PKHD1: variants seen among roughly 807,000 people sequenced by gnomAD.
The protein encoded by PKHD1 is PKHD1 ciliary IPT domain containing fibrocystin/polyductin.
Under a neutral mutation model 412.0 loss-of-function variants are expected in PKHD1, and 291 were observed. The observed-to-expected ratio is 0.71, with a 90% CI of 0.64 to 0.78. The LOEUF (loss-of-function observed/expected upper bound fraction) is 0.78. Ranked by LOEUF, PKHD1 falls within the 30% of genes least tolerant of loss-of-function variation. PKHD1 has a pLI of 0.00. For synonymous variants in PKHD1, 1,777 were observed against 1,821.5 expected, an observed-to-expected ratio of 0.98 and a Z score of 0.62; for missense variants, 4,825 against 4,950.7, an observed-to-expected ratio of 0.97 and a Z score of 0.76.
intron 16 of PKHD1, among the ~76,000 whole-genome samples, chr6:52,057,502 C>T (rs148977924): frequency 5.3e-5 from 8 of 152,270 alleles, no homozygotes; most frequent in Non-Finnish European, 8.8e-5. Context: ...CTGCAACCTC[C>T]GACTCCCTGG....
intron 36 of PKHD1, among the ~76,000 whole-genome samples, chr6:51,943,591 TC>T (rs1176172059): frequency 6.6e-6 from 1 of 151,574 alleles, no homozygotes; most frequent in Non-Finnish European, 1.5e-5. Flanking sequence ...AAATAAATAA[TC>T]TTTGCTGGCA....
At chr6:51,942,191 G>T (rs1788701431) in intron 36 of PKHD1, among the ~76,000 whole-genome samples, 2 of 151,388 alleles carry the variant, frequency 1.3e-5, no homozygotes, top group African/African-American at 4.8e-5. Context: ...TTTAGAGACT[G>T]CCCCAACCTT....
intron 60 of PKHD1, among the ~76,000 whole-genome samples, chr6:51,684,472 T>C (rs1777156010): frequency 6.6e-6 from 1 of 152,096 alleles, no homozygotes; most frequent in African/African-American, 2.4e-5. Flanking sequence ...AGGTCCCAGT[T>C]AGTTTAGAAG....
rs985850927 is a variant in PKHD1, at chr6:51,639,026, G to C, written c.11399-70C>G. ...CTCGAACAATGTCTTCATGTCTTCT[G>C]CGAAGGCAGACATTTGGACAATAAA... On this transcript the variant is annotated intron_variant, in intron 63 of 66. Coordinates refer to ENST00000371117, the MANE Select transcript of PKHD1 (RefSeq NM_138694.4). The C allele has an allele frequency of 2.4e-4, 266 of 1,129,776 alleles. 2 individuals carry two copies. Among genetic ancestry groups the C allele is most frequent in the Admixed American group, 6.8e-5 (4 of 59,232 alleles). The allele number at this position is 1,129,776 out of a possible 1,614,324, so 70.0% of individuals were successfully genotyped here. A position where few individuals can be genotyped will look rare whatever the true frequency, so the allele number is the denominator to read the frequency against.
rs57327960 is a variant in PKHD1 at position 51,887,443 on chromosome 6, C to T, written c.6997-198G>A. 0.053 allele frequency among the ~76,000 whole-genome samples: 7,998 copies of T among 152,118 alleles called. 432 individuals are homozygous for T. Among genetic ancestry groups the T allele is most frequent in the African/African-American group, 0.13 (5,452 of 41,486 alleles). ...AGTGATATGGTTTGGATTTGTCCCCCTGCCCATATCTCAGGTTGAATTGTA... is the reference window on the plus strand; with the variant it reads ...AGTGATATGGTTTGGATTTGTCCCCTTGCCCATATCTCAGGTTGAATTGTA... On this transcript the variant is annotated intron_variant, in intron 43 of 66. Coordinates refer to ENST00000371117, the MANE Select transcript of PKHD1 (RefSeq NM_138694.4).
intron 66 of PKHD1, chr6:51,622,355 C>G (rs956324546): frequency 1.3e-5 from 2 of 152,102 alleles, no homozygotes; most frequent in Admixed American, 6.6e-5. Context: ...ATTTTTTGAG[C>G]CTAGTTCCAT....
intron 60 of PKHD1, among the ~76,000 whole-genome samples, chr6:51,687,618 G>C (rs1311577444): frequency 6.6e-6 from 1 of 152,162 alleles, no homozygotes; most frequent in Non-Finnish European, 1.5e-5. Flanking sequence ...AGAAATAAGA[G>C]GTGGGATTTC....
chr6:51,972,561 C>T (rs1041813797), intron 35 of PKHD1, among the ~76,000 whole-genome samples: 1 of 152,196 alleles, frequency 6.6e-6, no homozygotes, highest in Non-Finnish European at 1.5e-5. Flanking sequence ...AGATGCTTTC[C>T]TTGTACGTGC....
intron 50 of PKHD1, among the ~76,000 whole-genome samples, chr6:51,840,618 G>A (rs1362531583): frequency 6.6e-6 from 1 of 152,148 alleles, no homozygotes; most frequent in Non-Finnish European, 1.5e-5. Flanking sequence ...AATCTCTCAG[G>A]AGGGTCCTGG....
intron 43 of PKHD1, among the ~76,000 whole-genome samples, chr6:51,903,152 T>C (rs1057034751): frequency 2.5e-4 from 38 of 152,208 alleles, no homozygotes; most frequent in African/African-American, 8.7e-4. Flanking sequence ...TTCAAAAAAG[T>C]GTTTCCAGAA....
intron 6 of PKHD1, 89 bp from the exon 7 acceptor site, chr6:52,073,630 CT>C: frequency 1.3e-6 from 1 of 799,188 alleles, no homozygotes; most frequent in Non-Finnish European, 2.2e-6. Flanking sequence ...GTTGTATATA[CT>C]CAATATGGCA....
intron 60 of PKHD1, among the ~76,000 whole-genome samples, chr6:51,708,641 T>C (rs1161416362): frequency 6.6e-6 from 1 of 152,228 alleles, no homozygotes; most frequent in Non-Finnish European, 1.5e-5. Context: ...ACACAGTCTC[T>C]AATCTATGGG....
At chr6:51,998,687 T>C (rs1797995886) in intron 35 of PKHD1, among the ~76,000 whole-genome samples, 4 of 152,178 alleles carry the variant, frequency 2.6e-5, no homozygotes, top group South Asian at 2.1e-4. Context: ...TTGGTTTTTT[T>C]CCCTTTTTTT....
chr6:52,056,392 T>A (rs187396638), intron 18 of PKHD1, among the ~76,000 whole-genome samples: 3 of 152,140 alleles, frequency 2.0e-5, no homozygotes, highest in African/African-American at 7.2e-5. Context: ...TTGGCTATGT[T>A]TGCATGTTTC....
chr6:51,672,900 T>C (rs889647147), intron 60 of PKHD1, among the ~76,000 whole-genome samples: 1 of 152,196 alleles, frequency 6.6e-6, no homozygotes, highest in Non-Finnish European at 1.5e-5. Context: ...AGTTCAGTGA[T>C]CATGACAATT....
At chr6:52,030,133 C>G (rs62406027) in intron 29 of PKHD1, among the ~76,000 whole-genome samples, 3 of 152,034 alleles carry the variant, frequency 2.0e-5, no homozygotes, top group African/African-American at 7.2e-5. Context: ...CTATGGGATG[C>G]CACGGCCAAT....
intron 31 of PKHD1, among the ~76,000 whole-genome samples, chr6:52,027,342 G>C (rs545214267): frequency 9.2e-5 from 14 of 151,874 alleles, no homozygotes; most frequent in African/African-American, 3.4e-4. Context: ...GACCAGCCTG[G>C]CCAACATGGT....
At position 51,616,881 on chromosome 6, in the gene PKHD1, G is replaced by A. The variant is rs1039945728; in HGVS notation, c.*2200C>T. The A allele has an allele frequency of 1.3e-5, 5 of 387,444 alleles. No homozygotes were observed. Among genetic ancestry groups the A allele is most frequent in the South Asian group, 1.4e-4 (1 of 6,936 alleles). 24.0% of individuals were successfully genotyped at this position (387,444 alleles called of 1,614,324 possible). A position where few individuals can be genotyped will look rare whatever the true frequency, so the allele number is the denominator to read the frequency against. On this transcript the variant is annotated 3_prime_UTR_variant, in exon 67 of 67. Transcript: ENST00000371117. ...TGGCAGCTAACTCTTTGTGAAGGGC[G>A]AAATAGAATGAAGAGTCATGACTGA...
intron 43 of PKHD1, among the ~76,000 whole-genome samples, chr6:51,895,376 C>A (rs528280272): frequency 2.6e-5 from 4 of 152,188 alleles, no homozygotes; most frequent in Non-Finnish European, 5.9e-5. Flanking sequence ...GCCAATGGCA[C>A]AACTGAAAAA....
Sources: gnomAD v4.1 joint callset for allele counts (sites outside exome capture counted in the v4.1 genomes callset) on GRCh38, gnomAD v4.1.1 for gene constraint, MANE v1.5 for transcripts, NCBI Gene and HGNC (gene_info 2026-07-23, HGNC 2026-07-21) for gene names.